The following FAM91A1 variants were observed in gnomAD, a reference collection of about 807,000 sequenced individuals.
The protein encoded by FAM91A1 is protein FAM91A1.
FAM91A1 carries 41 observed loss-of-function variants against 113.5 expected under a neutral mutation model. The observed-to-expected ratio is 0.36, with a 90% CI of 0.28 to 0.47. The LOEUF is 0.47. Ranked by LOEUF, FAM91A1 falls within the 20% of genes least tolerant of loss-of-function variation. FAM91A1 has a pLI of 1.00. For missense variants in FAM91A1, 696 were observed against 1,001.2 expected (o/e 0.70, Z 4.11); for synonymous variants, 307 against 347.9 (o/e 0.88, Z 1.31).
In FAM91A1 at chr8:123,789,738, C is replaced by T. The variant is rs184855803; in HGVS notation, c.1404C>T (p.Pro468=). 393 of 1,610,898 alleles carry T rather than the reference C, an allele frequency of 2.4e-4. No individual in the cohort carries two copies. The African/African-American group carries it at 4.7e-3, about 19-fold the overall frequency. The change falls in exon 15 of 24, where the codon CCC becomes CCT. Residue 468 remains proline (P), a synonymous_variant. Coordinates refer to ENST00000334705, the MANE Select transcript of FAM91A1 (RefSeq NM_144963.4). ...LVAQTAQPDQ[P]NYGFPLDLLR... ...CGCAAACTGCACAGCCAGACCAACC[C>T]AATTATGGTATGATAAATATATTTA...
At chr8:123,780,398 C>G in intron 7 of FAM91A1, 82 bp from the exon 8 acceptor site, 1 of 1,040,854 alleles carries the variant, frequency 9.6e-7, no homozygotes, top group East Asian at 2.6e-5. Context: ...AGAATCTTTA[C>G]AGAAAGCCAG....
chr8:123,814,564 G>T lies in FAM91A1; in HGVS notation c.*1860G>T, dbSNP rs9656947. 0.27 allele frequency: 43,083 copies of T among 157,816 alleles called. 7,531 individuals are homozygous for T. Among genetic ancestry groups the T allele is most frequent in the African/African-American group, 0.51 (21,108 of 41,466 alleles). 9.8% of individuals were successfully genotyped at this position (157,816 alleles called of 1,614,324 possible). The stretch of plus-strand genomic sequence containing the variant: ...TTGCTGCTATATTTCCTTTGAGAGA[G>T]AAAGGAGGAAGAAATAGAACCTAAT... On this transcript the variant is annotated 3_prime_UTR_variant, in exon 24 of 24. Transcript: ENST00000334705.
intron 19 of FAM91A1, among the ~76,000 whole-genome samples, chr8:123,805,830 C>G (rs1401047489): frequency 6.6e-6 from 1 of 152,042 alleles, no homozygotes. Flanking sequence ...GAGCATTTTT[C>G]TCTTTTATAA....
intron 3 of FAM91A1, among the ~76,000 whole-genome samples, chr8:123,776,484 C>T (rs189682495): frequency 7.2e-4 from 109 of 152,286 alleles, no homozygotes; most frequent in Middle Eastern, 3.4e-3. Flanking sequence ...TGGAGGAAAG[C>T]GAGAGGCCCG....
chr8:123,780,551 G>A lies in FAM91A1; in HGVS notation c.703+9G>A, dbSNP rs745504877. Reference sequence around the variant, plus strand: ...TGACAGTTGTATAGCAGGTAAGTCCGTGCTAACATTTTTCACTGTTTTTTG... The same window carrying A: ...TGACAGTTGTATAGCAGGTAAGTCCATGCTAACATTTTTCACTGTTTTTTG... On this transcript the variant is annotated intron_variant, in intron 8 of 23. Transcript: ENST00000334705. The A allele has an allele frequency of 1.4e-5, 23 of 1,606,656 alleles. No homozygotes were observed. The highest frequency in any genetic ancestry group is 1.1e-5 in the South Asian group (1 of 90,058).
intron 8 of FAM91A1, among the ~76,000 whole-genome samples, chr8:123,781,107 A>G (rs1311487114): frequency 1.3e-5 from 2 of 152,204 alleles, no homozygotes; most frequent in Non-Finnish European, 2.9e-5. Flanking sequence ...GATATGTTCA[A>G]TATCCTTGAA....
intron 20 of FAM91A1, 50 bp from the exon 21 acceptor site, chr8:123,808,222 T>A (rs1365432633): frequency 4.1e-6 from 6 of 1,465,400 alleles, no homozygotes; most frequent in Admixed American, 3.6e-5. Flanking sequence ...TATTGGCAGC[T>A]TCTGCTAACT....
Position 123,780,027 on chromosome 8 carries a change from G to A in FAM91A1, c.592G>A (p.Asp198Asn). 2 of 1,613,324 alleles carry A rather than the reference G, an allele frequency of 1.2e-6. No homozygotes were observed. The highest frequency in any genetic ancestry group is 1.7e-6 in the Non-Finnish European group (2 of 1,179,556). The change falls in exon 7 of 24, where the codon GAT becomes AAT. Residue 198 changes from aspartate to asparagine, a missense_variant. Transcript: ENST00000334705. ...GAAATGCGCTGTTGATAAGATCATCGATTCAGGCCCTCAACTCTCTGGATC... is the reference window on the plus strand; with the variant it reads ...GAAATGCGCTGTTGATAAGATCATCAATTCAGGCCCTCAACTCTCTGGATC... ...PEKCAVDKII[D>N]SGPQLSGSLD...
chr8:123,812,523 G>T lies in FAM91A1; in HGVS notation c.2336G>T (p.Gly779Val). 6.3e-7 allele frequency: 1 copy of T among 1,577,032 alleles called. No individual in the cohort carries two copies. Among genetic ancestry groups the T allele is most frequent in the Non-Finnish European group, 8.6e-7 (1 of 1,166,204 alleles). The change falls in exon 24 of 24, where the codon GGT becomes GTT. Residue 779 changes from glycine to valine, a missense_variant. Coordinates refer to ENST00000334705, the MANE Select transcript of FAM91A1 (RefSeq NM_144963.4). ...TCTTGTTTCTTGATCTTTTAGGAAG[G>T]TGCTTCAATATTGGATATTCACACA... is the stretch of plus-strand genomic sequence containing the variant. Reference protein sequence around the residue: ...VLNFVHSFQEGASILDIHTEP... With the variant: ...VLNFVHSFQEVASILDIHTEP...
chr8:123,793,522 C>T (rs577336608), intron 15 of FAM91A1, among the ~76,000 whole-genome samples: 12 of 152,276 alleles, frequency 7.9e-5, no homozygotes, highest in African/African-American at 2.4e-4. Context: ...CAATTATTTT[C>T]GTGCCCCAGT....
chr8:123,777,461 AT>A (rs992739410), intron 4 of FAM91A1, 139 bp downstream of exon 4: 23 of 709,448 alleles, frequency 3.2e-5, no homozygotes, highest in African/African-American at 5.4e-5. Flanking sequence ...ATCAGTGAGA[AT>A]TTTATCAGAT....
At chr8:123,807,543 A>G (rs947793807) in intron 20 of FAM91A1, among the ~76,000 whole-genome samples, 1 of 151,904 alleles carries the variant, frequency 6.6e-6, no homozygotes, top group African/African-American at 2.4e-5. Flanking sequence ...TGAAAACCCT[A>G]GAGAGGAGAC....
intron 2 of FAM91A1, among the ~76,000 whole-genome samples, 160 bp from the exon 3 acceptor site, chr8:123,774,987 A>G (rs1814945994): frequency 6.6e-6 from 1 of 152,116 alleles, no homozygotes; most frequent in African/African-American, 2.4e-5. Context: ...AATCTATTTC[A>G]TGTGATATAT....
intron 2 of FAM91A1, among the ~76,000 whole-genome samples, chr8:123,774,749 A>G (rs1286769929): frequency 6.6e-6 from 1 of 152,192 alleles, no homozygotes; most frequent in African/African-American, 2.4e-5. Context: ...AGGGCTTTTT[A>G]CATTTAAAAA....
chr8:123,774,018 GA>G, intron 1 of FAM91A1, 61 bp from the exon 2 acceptor site: 4 of 1,348,976 alleles, frequency 3.0e-6, no homozygotes, highest in Admixed American at 2.0e-5. Flanking sequence ...TGTGTTATGG[GA>G]AAAAATAGTA....
At chr8:123,773,077 A>G (rs1814893428) in intron 1 of FAM91A1, among the ~76,000 whole-genome samples, 1 of 152,138 alleles carries the variant, frequency 6.6e-6, no homozygotes, top group South Asian at 2.1e-4. Flanking sequence ...CCAAGGGCCA[A>G]CCGCACATAA....
intron 20 of FAM91A1, among the ~76,000 whole-genome samples, chr8:123,806,598 A>G (rs751512301): frequency 3.3e-5 from 5 of 152,194 alleles, no homozygotes; most frequent in Non-Finnish European, 7.3e-5. Context: ...GTCAAAAGGT[A>G]CCATTGTCTT....
intron 20 of FAM91A1, among the ~76,000 whole-genome samples, chr8:123,806,988 T>C (rs1206646566): frequency 6.6e-6 from 1 of 152,016 alleles, no homozygotes; most frequent in Admixed American, 6.6e-5. Context: ...TATTGGCATA[T>C]ATGTGGTTTG....
intron 15 of FAM91A1, among the ~76,000 whole-genome samples, chr8:123,791,261 C>G (rs1020532308): frequency 6.6e-6 from 1 of 150,962 alleles, no homozygotes; most frequent in Non-Finnish European, 1.5e-5. Context: ...ATGGAAGAGC[C>G]AGGAATGGAA....
Sources: allele counts gnomAD v4.1 joint callset (sites outside exome capture counted in the v4.1 genomes callset), GRCh38; gene constraint gnomAD v4.1.1; transcripts MANE v1.5; gene names NCBI Gene and HGNC (gene_info 2026-07-23, HGNC 2026-07-21).